NDUFA13: variants seen among roughly 807,000 people sequenced by gnomAD.
The protein encoded by NDUFA13 is NADH:ubiquinone oxidoreductase subunit A13.
Under a neutral mutation model 17.0 loss-of-function variants are expected in NDUFA13, and 16 were observed. The observed-to-expected ratio is 0.94, with a 90% CI of 0.64 to 1.43. NDUFA13 has a LOEUF of 1.43. Among genes scored for constraint, NDUFA13 ranks in the 40% most tolerant of loss-of-function variants. The pLI, the probability that NDUFA13 is intolerant of heterozygous loss-of-function variation, is 0.00. For synonymous variants in NDUFA13, 87 were observed against 78.4 expected, an observed-to-expected ratio of 1.11 and a Z score of -0.58; for missense variants, 228 against 206.7, an observed-to-expected ratio of 1.10 and a Z score of -0.63.
At chr19:19,518,533 CGTT>C (rs2061060550) in intron 1 of NDUFA13, among the ~76,000 whole-genome samples, 1 of 150,152 alleles carries the variant, frequency 6.7e-6, no homozygotes, top group African/African-American at 2.5e-5. Flanking sequence ...CCACGCCTGG[CGTT>C]GTTTGTTTTT....
chr19:19,526,405 A>C, intron 2 of NDUFA13, 145 bp downstream of exon 2: 1 of 834,140 alleles, frequency 1.2e-6, no homozygotes, highest in South Asian at 1.4e-5. Flanking sequence ...GAAAGTGCAG[A>C]TCCAGACCCA....
At chr19:19,517,556 T>C (rs2144635899) in intron 1 of NDUFA13, among the ~76,000 whole-genome samples, 1 of 152,324 alleles carries the variant, frequency 6.6e-6, no homozygotes, top group Admixed American at 6.5e-5. Flanking sequence ...TTAAATTACA[T>C]GTTATGCACA....
intron 1 of NDUFA13, among the ~76,000 whole-genome samples, chr19:19,522,727 C>T (rs2061083801): frequency 6.6e-6 from 1 of 152,108 alleles, no homozygotes; most frequent in East Asian, 1.9e-4. Context: ...ATCCGCCTGC[C>T]TTGGCCTCCC....
intron 1 of NDUFA13, among the ~76,000 whole-genome samples, chr19:19,520,668 T>C (rs1164082076): frequency 6.6e-6 from 1 of 152,180 alleles, no homozygotes; most frequent in Non-Finnish European, 1.5e-5. Flanking sequence ...GTGTCCAATT[T>C]ATTGATTTTT....
intron 1 of NDUFA13, among the ~76,000 whole-genome samples, chr19:19,524,232 CT>C (rs1409775932): frequency 6.6e-6 from 1 of 152,254 alleles, no homozygotes; most frequent in Admixed American, 6.5e-5. Flanking sequence ...CTTGGCCCCC[CT>C]GTGGTTGGCG....
At chr19:19,526,494 C>T (rs1365197374) in intron 2 of NDUFA13, 2 of 580,450 alleles carry the variant, frequency 3.4e-6, no homozygotes, top group Non-Finnish European at 3.1e-6. Context: ...AAGGTGGGAG[C>T]ATTGCTTGAG....
Position 19,528,097 on chromosome 19 carries a change from G to T in NDUFA13, c.406G>T (p.Ala136Ser), listed in dbSNP as rs767344933. The T allele has an allele frequency of 1.6e-5, 26 of 1,611,684 alleles. 1 individual carries two copies. The highest frequency in any genetic ancestry group is 2.7e-5 in the African/African-American group (2 of 74,874). Reference protein sequence around the residue: ...GLRTTEEALHASHGFMWYT With the variant: ...GLRTTEEALHSSHGFMWYT ...GCGCACCACAGAGGAGGCTCTCCAT[G>T]CCAGCCACGGCTTCATGTGGTACAC... is the stretch of plus-strand genomic sequence containing the variant. The change falls in exon 5 of 5, where the codon GCC becomes TCC. Residue 136 changes from alanine (A) to serine (S), a missense_variant. By Grantham distance (99) the Ala-to-Ser change is moderately conservative (BLOSUM62 1). Transcript: ENST00000507754.
At chr19:19,516,792 A>ATT (rs939243345) in intron 1 of NDUFA13, among the ~76,000 whole-genome samples, 1 of 148,038 alleles carries the variant, frequency 6.8e-6, no homozygotes, top group Non-Finnish European at 1.5e-5. Context: ...TAAATTTTCA[A>ATT]TTTTTTTTTT....
At position 19,516,298 on chromosome 19, in the gene NDUFA13, C is replaced by G; in HGVS notation, c.60C>G (p.Asp20Glu). ...CGCCGGGGGGCTATGGGCCCATCGACTACAAACGGAACTTGCCGCGTCGAG... is the reference window on the plus strand; with the variant it reads ...CGCCGGGGGGCTATGGGCCCATCGAGTACAAACGGAACTTGCCGCGTCGAG... ...MPPPGGYGPI[D>E]YKRNLPRRGL... The change falls in exon 1 of 5, where the codon GAC becomes GAG. Residue 20 changes from aspartate (D) to glutamate (E), a missense_variant. Physicochemically the swap from Asp to Glu is conservative, Grantham distance 45. Coordinates refer to ENST00000507754, the MANE Select transcript of NDUFA13 (RefSeq NM_015965.7). 1 of 1,613,852 alleles carries G rather than the reference C, an allele frequency of 6.2e-7. No individual in the cohort carries two copies. The highest frequency in any genetic ancestry group is 8.5e-7 in the Non-Finnish European group (1 of 1,180,038).
Position 19,519,045 on chromosome 19 carries a change from A to ATTTTTTTTTTTTTTTTTTTTT in NDUFA13, c.94+2730_94+2731insTTTTTTTTTTTTTTTTTTTTT, listed in dbSNP as rs71170693. On this transcript the variant is annotated intron_variant, in intron 1 of 4. Coordinates refer to ENST00000507754, the MANE Select transcript of NDUFA13 (RefSeq NM_015965.7). Reference sequence around the variant, plus strand: ...AGGTGTGAGCCACTGGGCCCGGCCTATTTTTTTTTTTTTTTTTGTATTTTT... The same window carrying ATTTTTTTTTTTTTTTTTTTTT: ...AGGTGTGAGCCACTGGGCCCGGCCTATTTTTTTTTTTTTTTTTTTTTTTTTTTTTTTTTTTTTTGTATTTTT... Among the ~76,000 whole-genome samples, 23 of 114,870 alleles carry ATTTTTTTTTTTTTTTTTTTTT rather than the reference A, an allele frequency of 2.0e-4. 1 individual carries two copies. The highest frequency in any genetic ancestry group is 7.2e-4 in the African/African-American group (19 of 26,294). 75.4% of individuals were successfully genotyped at this position (114,870 alleles called of 152,430 possible).
chr19:19,526,974 TC>T (rs2061102791), intron 2 of NDUFA13, among the ~76,000 whole-genome samples: 1 of 152,206 alleles, frequency 6.6e-6, no homozygotes, highest in Non-Finnish European at 1.5e-5. Flanking sequence ...CACCCCCTCT[TC>T]GTCGCGATCA....
intron 1 of NDUFA13, among the ~76,000 whole-genome samples, chr19:19,520,924 G>A (rs1262701921): frequency 6.6e-6 from 1 of 152,094 alleles, no homozygotes; most frequent in African/African-American, 2.4e-5. Flanking sequence ...TTTTTGATGG[G>A]CACTTGGGTC....
At chr19:19,516,357 C>G (rs915201168) in intron 1 of NDUFA13, 25 bp downstream of exon 1, 3 of 1,612,096 alleles carry the variant, frequency 1.9e-6, no homozygotes, top group Non-Finnish European at 2.5e-6. Context: ...GCGCCGGGGT[C>G]TCAGAGTCTG....
chr19:19,517,824 ACCT>A (rs2061057247), intron 1 of NDUFA13, among the ~76,000 whole-genome samples: 1 of 151,920 alleles, frequency 6.6e-6, no homozygotes, highest in Admixed American at 6.6e-5. Flanking sequence ...ACCGCGGCCA[ACCT>A]CCTCTTGTTT....
rs1412078519 is a variant in NDUFA13, at chr19:19,527,722, G to A, written c.267G>A (p.Glu89=). 1.3e-6 allele frequency: 2 copies of A among 1,552,506 alleles called. No homozygotes were observed. Among genetic ancestry groups the A allele is most frequent in the Non-Finnish European group, 1.7e-6 (2 of 1,147,346 alleles). Residue 89 remains glutamate, a synonymous_variant, in exon 4 of 5, where the codon GAG becomes GAA. Transcript: ENST00000507754. Reference sequence around the variant, plus strand: ...ACAGGACCTTGCAGATGCTTCGGGAGAACCTGGAGGAGGAGGCCATCATCA... The same window carrying A: ...ACAGGACCTTGCAGATGCTTCGGGAAAACCTGGAGGAGGAGGCCATCATCA... ...TDRRTLQMLR[E]NLEEEAIIMK...
At chr19:19,527,411 G>C (rs1179194046) in intron 3 of NDUFA13, 59 bp downstream of exon 3, 1 of 1,573,166 alleles carries the variant, frequency 6.4e-7, no homozygotes, top group African/African-American at 1.3e-5. Context: ...AGGCTGCAGG[G>C]CCTGACCTGC....
chr19:19,518,732 T>G (rs2061062212), intron 1 of NDUFA13, among the ~76,000 whole-genome samples: 7 of 116,924 alleles, frequency 6.0e-5, no homozygotes, highest in African/African-American at 3.7e-4. Context: ...CCCTGCGATT[T>G]TTTTTTTTTT....
Position 19,518,955 on chromosome 19 carries a change from G to C in NDUFA13, c.94+2623G>C, listed in dbSNP as rs892017828. 6.6e-5 allele frequency among the ~76,000 whole-genome samples: 10 copies of C among 151,394 alleles called. No homozygotes were observed. In the East Asian group the frequency reaches 1.9e-3, roughly 29 times the overall value. ...GATGGGGTTTCTCCATGTTGGTCAGGCTGGTCTCAAACTCCTGACCTCAGA... is the reference window on the plus strand; with the variant it reads ...GATGGGGTTTCTCCATGTTGGTCAGCCTGGTCTCAAACTCCTGACCTCAGA... On this transcript the variant is annotated intron_variant, in intron 1 of 4. Transcript: ENST00000507754.
chr19:19,521,441 C>A lies in NDUFA13; in HGVS notation c.95-4741C>A, dbSNP rs147879986. Among the ~76,000 whole-genome samples the A allele has an allele frequency of 1.2e-4, 18 of 152,372 alleles. No homozygotes were observed. The East Asian group carries it at 2.3e-3, about 20-fold the overall frequency. On this transcript the variant is annotated intron_variant, in intron 1 of 4. Coordinates refer to ENST00000507754, the MANE Select transcript of NDUFA13 (RefSeq NM_015965.7). ...CAGTGTTTCCCAGGCTGGTGTCGAA[C>A]TCCTGGGCTCAAGCTGTCCTCCCGC...
Sources: allele counts gnomAD v4.1 joint callset (sites outside exome capture counted in the v4.1 genomes callset), GRCh38; gene constraint gnomAD v4.1.1; transcripts MANE v1.5; gene names NCBI Gene and HGNC (gene_info 2026-07-23, HGNC 2026-07-21).